Variants in R3HDM1 observed in about 807,000 individuals in gnomAD.
R3HDM1 encodes the protein R3H domain containing 1.
In R3HDM1, 46 loss-of-function variants were observed where a neutral mutation model predicts 141.1. That is an observed-to-expected ratio of 0.33 (90% CI 0.26 to 0.42). The LOEUF is 0.42. R3HDM1 is among the 10% of genes least tolerant of loss of function. The pLI is 1.00. For missense variants in R3HDM1, 1,184 were observed against 1,368.3 expected (o/e 0.87, Z 2.12); for synonymous variants, 435 against 472.9 (o/e 0.92, Z 1.04).
chr2:135,709,302 T>G, intron 21 of R3HDM1, 131 bp from the exon 22 acceptor site: 1 of 1,215,036 alleles, frequency 8.2e-7, no homozygotes, highest in African/African-American at 1.5e-5. Flanking sequence ...CTCGATCTCC[T>G]GACCTCGTGA....
chr2:135,701,206 CAAG>C (rs769500284), intron 21 of R3HDM1, among the ~76,000 whole-genome samples: 1 of 107,736 alleles, frequency 9.3e-6, no homozygotes, highest in Non-Finnish European at 1.8e-5. Context: ...GGCAACATAA[CAAG>C]ACCTCATCTC....
intron 20 of R3HDM1, among the ~76,000 whole-genome samples, chr2:135,677,484 G>A (rs1184153120): frequency 1.3e-5 from 2 of 152,010 alleles, no homozygotes; most frequent in Non-Finnish European, 2.9e-5. Context: ...CAGCATGTAA[G>A]ATCTGCCCTT....
At chr2:135,700,698 C>G (rs190067180) in intron 21 of R3HDM1, among the ~76,000 whole-genome samples, 2 of 152,080 alleles carry the variant, frequency 1.3e-5, no homozygotes. Flanking sequence ...ATTCTCCCAT[C>G]TAAAAAATAA....
chr2:135,681,900 G>A (rs73958610), intron 21 of R3HDM1, among the ~76,000 whole-genome samples: 6,553 of 151,984 alleles, frequency 0.043, 491 homozygotes, highest in African/African-American at 0.15. Context: ...GCTAGTGGGA[G>A]TTTTAAGATT....
intron 3 of R3HDM1, among the ~76,000 whole-genome samples, chr2:135,615,430 G>A (rs1271587970): frequency 6.6e-6 from 1 of 152,232 alleles, no homozygotes; most frequent in Non-Finnish European, 1.5e-5. Flanking sequence ...AAACCTATCT[G>A]GCTCTGGTTC....
At chr2:135,704,559 C>T (rs2074652354) in intron 21 of R3HDM1, among the ~76,000 whole-genome samples, 1 of 151,358 alleles carries the variant, frequency 6.6e-6, no homozygotes, top group Non-Finnish European at 1.5e-5. Context: ...CAACCTCTGC[C>T]TCCCGGGTTC....
chr2:135,685,130 T>G (rs1027765132), intron 21 of R3HDM1, among the ~76,000 whole-genome samples: 1 of 152,178 alleles, frequency 6.6e-6, no homozygotes, highest in Non-Finnish European at 1.5e-5. Flanking sequence ...ACATCCTGTT[T>G]TGTTTTTCTA....
In R3HDM1 at chr2:135,564,463, G is replaced by A. The variant is rs149565621; in HGVS notation, c.-250+32830G>A. On this transcript the variant is annotated intron_variant, in intron 1 of 26. Coordinates refer to ENST00000683871, the MANE Select transcript of R3HDM1 (RefSeq NM_001378107.1). ...GCCTCCCAAGTATCTGGGATTATAG[G>A]TGTGCACCACCATGCCCAGCTAATT... 6.1e-3 allele frequency among the ~76,000 whole-genome samples: 929 copies of A among 152,280 alleles called. 10 individuals are homozygous for A. Among genetic ancestry groups the A allele is most frequent in the African/African-American group, 0.02 (838 of 41,562 alleles).
chr2:135,562,032 A>C (rs1347658230), intron 1 of R3HDM1, among the ~76,000 whole-genome samples: 2 of 152,234 alleles, frequency 1.3e-5, no homozygotes, highest in African/African-American at 4.8e-5. Flanking sequence ...GGTCACCAGA[A>C]TGTCTCAACA....
chr2:135,673,921 A>G (rs189006293), intron 19 of R3HDM1, among the ~76,000 whole-genome samples: 7 of 152,172 alleles, frequency 4.6e-5, no homozygotes, highest in Admixed American at 4.6e-4. Context: ...GCTGGAGTGC[A>G]GTGGCACTAT....
At chr2:135,621,373 C>A in intron 5 of R3HDM1, 121 bp from the exon 6 acceptor site, 1 of 509,928 alleles carries the variant, frequency 2.0e-6, no homozygotes, top group Non-Finnish European at 3.3e-6. Flanking sequence ...TTGAAGAATC[C>A]AGTTGGGTAA....
chr2:135,613,345 A>G (rs1405721745), intron 3 of R3HDM1, among the ~76,000 whole-genome samples: 3 of 152,132 alleles, frequency 2.0e-5, no homozygotes, highest in African/African-American at 4.8e-5. Flanking sequence ...TGGCCCCTCT[A>G]TCTTCAAAGC....
intron 21 of R3HDM1, among the ~76,000 whole-genome samples, chr2:135,704,477 C>CT (rs35704564): frequency 3.8e-4 from 50 of 131,394 alleles, no homozygotes; most frequent in African/African-American, 1.2e-3. Flanking sequence ...TGCATGCATG[C>CT]TTTTTTTTTT....
rs866521543 is a variant in R3HDM1 at position 135,535,227 on chromosome 2, G to A, written c.-250+3594G>A. 5.3e-5 allele frequency among the ~76,000 whole-genome samples: 8 copies of A among 152,170 alleles called. No homozygotes were observed. The South Asian group carries it at 1.0e-3, about 20-fold the overall frequency. On this transcript the variant is annotated intron_variant, in intron 1 of 26. Coordinates refer to ENST00000683871, the MANE Select transcript of R3HDM1 (RefSeq NM_001378107.1). ...AGATAACTAAAATGAAGGGCCAGGCGGGGTGGCTCACACCTGTAATCCCAG... is the reference window on the plus strand; with the variant it reads ...AGATAACTAAAATGAAGGGCCAGGCAGGGTGGCTCACACCTGTAATCCCAG...
At chr2:135,587,141 A>G (rs941836141) in intron 1 of R3HDM1, 4 of 384,584 alleles carry the variant, frequency 1.0e-5, no homozygotes, top group African/African-American at 2.2e-5. Flanking sequence ...GTAATTTTTG[A>G]GGAGTATCTT....
Position 135,604,795 on chromosome 2 carries a change from T to G in R3HDM1, c.-40-11T>G. ...AAAAGTTTCAAACTGTATTAATTTT[T>G]TTTTCTTAAGGCTTCAAGCTCCCTG... On this transcript the variant is annotated splice_polypyrimidine_tract_variant and intron_variant, in intron 2 of 26. Transcript: ENST00000683871. 6.3e-7 allele frequency: 1 copy of G among 1,580,180 alleles called. No homozygotes were observed. Among genetic ancestry groups the G allele is most frequent in the Non-Finnish European group, 8.7e-7 (1 of 1,154,388 alleles).
intron 1 of R3HDM1, chr2:135,561,405 G>A (rs1031456170): frequency 3.4e-6 from 3 of 881,872 alleles, no homozygotes; most frequent in Non-Finnish European, 4.1e-6. Context: ...GAATAAAATA[G>A]CAAATGACAT....
chr2:135,701,536 A>G (rs952119983), intron 21 of R3HDM1, among the ~76,000 whole-genome samples: 1 of 152,186 alleles, frequency 6.6e-6, no homozygotes, highest in African/African-American at 2.4e-5. Context: ...GTTGTGACAT[A>G]ATGTTTGGCT....
Position 135,697,052 on chromosome 2 carries a change from G to A in R3HDM1, c.2460-12381G>A, listed in dbSNP as rs184520311. Reference sequence around the variant, plus strand: ...TCCTTTCAGCCAGAGGTGAGAGATCGGGGGGAAACAAAAAAACAATAAAAA... The same window carrying A: ...TCCTTTCAGCCAGAGGTGAGAGATCAGGGGGAAACAAAAAAACAATAAAAA... On this transcript the variant is annotated intron_variant, in intron 21 of 26. Transcript: ENST00000683871. Among the ~76,000 whole-genome samples the A allele has an allele frequency of 4.3e-4, 66 of 152,016 alleles. 3 individuals carry two copies. In the East Asian group the frequency reaches 6.4e-3, roughly 15 times the overall value.
Sources: gnomAD v4.1 joint callset for allele counts (sites outside exome capture counted in the v4.1 genomes callset) on GRCh38, gnomAD v4.1.1 for gene constraint, MANE v1.5 for transcripts, NCBI Gene and HGNC (gene_info 2026-07-23, HGNC 2026-07-21) for gene names.